Variants in NSUN6 observed in about 807,000 individuals in gnomAD.
NSUN6 encodes the protein tRNA (cytosine(72)-C(5))-methyltransferase NSUN6.
NSUN6 carries 64 observed loss-of-function variants against 58.0 expected under a neutral mutation model. The observed-to-expected ratio is 1.10, with a 90% CI of 0.90 to 1.36. The LOEUF (loss-of-function observed/expected upper bound fraction) is 1.36, where lower values mean the gene tolerates loss of function less well. NSUN6 is among the 40% of genes most tolerant of loss of function. NSUN6 has a pLI of 0.00. For missense variants in NSUN6, 701 were observed against 550.1 expected (o/e 1.27, Z -2.74); for synonymous variants, 231 against 193.9 (o/e 1.19, Z -1.59).
intron 8 of NSUN6, among the ~76,000 whole-genome samples, chr10:18,566,892 C>T (rs545109604): frequency 6.6e-6 from 1 of 150,458 alleles, no homozygotes; most frequent in Non-Finnish European, 1.5e-5. Flanking sequence ...TTCTCCATTC[C>T]TTTCCATTGT....
intron 9 of NSUN6, among the ~76,000 whole-genome samples, chr10:18,548,535 AT>A (rs1465352006): frequency 6.6e-6 from 1 of 152,132 alleles, no homozygotes; most frequent in African/African-American, 2.4e-5. Context: ...ACAAATTTAC[AT>A]TTTTAGGCCA....
At chr10:18,578,771 A>G (rs546118163) in intron 8 of NSUN6, among the ~76,000 whole-genome samples, 1 of 152,282 alleles carries the variant, frequency 6.6e-6, no homozygotes, top group African/African-American at 2.4e-5. Context: ...CCCACAAGCT[A>G]CCTGTTTTAA....
At chr10:18,651,635 G>A (rs898925899), upstream of NSUN6, 28 of 985,998 alleles carry the variant, frequency 2.8e-5, no homozygotes, top group African/African-American at 2.4e-4. Context: ...GTCGCTTCCG[G>A]CTTACGTCAC....
rs368297302 is a variant in NSUN6, at chr10:18,645,129, G to A, written c.232-2574C>T. Among the ~76,000 whole-genome samples, 82 of 140,858 alleles carry A rather than the reference G, an allele frequency of 5.8e-4. 1 individual carries two copies. In the East Asian group the frequency reaches 0.016, roughly 28 times the overall value. The allele number at this position is 140,858 out of a possible 152,430, so 92.4% of individuals were successfully genotyped here. On this transcript the variant is annotated intron_variant, in intron 2 of 10. Transcript: ENST00000377304. ...GCTGAGATCGCGCCATTGCACTCCA[G>A]CCTGGCTGACAGAGCGAGACTCCCT... is the stretch of plus-strand genomic sequence containing the variant.
upstream of NSUN6, among the ~76,000 whole-genome samples, chr10:18,657,625 T>C (rs1410458914): frequency 6.6e-6 from 1 of 152,120 alleles, no homozygotes; most frequent in Non-Finnish European, 1.5e-5. Flanking sequence ...TTTTTATTTT[T>C]ATTTTTTTAG....
upstream of NSUN6, chr10:18,652,334 A>G (rs11015366): frequency 0.073 from 71,734 of 983,560 alleles, 2,924 homozygotes; most frequent in Non-Finnish European, 0.082. Flanking sequence ...AAATAATTCT[A>G]TCACCTTGAC....
chr10:18,618,172 T>C lies in NSUN6; in HGVS notation c.312-1879A>G, dbSNP rs1383174772. 3.3e-5 allele frequency among the ~76,000 whole-genome samples: 5 copies of C among 152,314 alleles called. No homozygotes were observed. The East Asian group carries it at 9.7e-4, about 29-fold the overall frequency. The stretch of plus-strand genomic sequence containing the variant: ...ACATATCTCTTTGTGATTACTGAAA[T>C]AGCTTCCTGCCTTTTACCACTGGTT... On this transcript the variant is annotated intron_variant, in intron 3 of 10. Transcript: ENST00000377304.
chr10:18,598,530 G>A (rs1464409839), intron 6 of NSUN6, among the ~76,000 whole-genome samples: 1 of 152,186 alleles, frequency 6.6e-6, no homozygotes, highest in Non-Finnish European at 1.5e-5. Context: ...GCAGTGCAGT[G>A]GCACAACCAC....
At chr10:18,614,186 C>T (rs180676972) in intron 5 of NSUN6, among the ~76,000 whole-genome samples, 131 of 151,536 alleles carry the variant, frequency 8.6e-4, no homozygotes, top group Admixed American at 2.6e-3. Flanking sequence ...TTCAAAGATG[C>T]AAAATATTTT....
chr10:18,650,384 A>T (rs541936319), intron 1 of NSUN6, among the ~76,000 whole-genome samples: 1 of 152,344 alleles, frequency 6.6e-6, no homozygotes, highest in Admixed American at 6.5e-5. Flanking sequence ...ACATTTTTTG[A>T]GGACTTACAT....
At chr10:18,647,020 A>G (rs2059565719) in intron 2 of NSUN6, among the ~76,000 whole-genome samples, 1 of 152,202 alleles carries the variant, frequency 6.6e-6, no homozygotes, top group Admixed American at 6.5e-5. Flanking sequence ...AATAAAAATC[A>G]GATTAATTTT....
chr10:18,580,795 A>G (rs1172647765), intron 8 of NSUN6, among the ~76,000 whole-genome samples: 2 of 152,166 alleles, frequency 1.3e-5, no homozygotes, highest in Non-Finnish European at 1.5e-5. Flanking sequence ...GCTCTCCCCA[A>G]GTGAACTTGC....
At chr10:18,652,281 A>T, upstream of NSUN6, 1 of 984,846 alleles carries the variant, frequency 1.0e-6, no homozygotes, top group Non-Finnish European at 1.2e-6. Context: ...GAGGATATCT[A>T]ACCAAACTCA....
At chr10:18,583,451 G>A (rs1178731315) in intron 8 of NSUN6, among the ~76,000 whole-genome samples, 4 of 151,860 alleles carry the variant, frequency 2.6e-5, no homozygotes, top group Admixed American at 1.3e-4. Context: ...GTTTTCAGCC[G>A]AAAAAAGAAT....
At chr10:18,576,559 C>A (rs745315263) in intron 8 of NSUN6, among the ~76,000 whole-genome samples, 4 of 152,196 alleles carry the variant, frequency 2.6e-5, no homozygotes, top group Non-Finnish European at 5.9e-5. Context: ...GGTAACAAGT[C>A]ATGCCAAGCT....
At chr10:18,609,750 G>GA (rs2058166497) in intron 6 of NSUN6, 95 bp downstream of exon 6, 6 of 749,222 alleles carry the variant, frequency 8.0e-6, no homozygotes, top group South Asian at 1.7e-5. Context: ...GTAGACCACA[G>GA]AAAAAATCTT....
At chr10:18,615,787 G>A (rs576708773) in intron 4 of NSUN6, among the ~76,000 whole-genome samples, 1 of 152,316 alleles carries the variant, frequency 6.6e-6, no homozygotes, top group East Asian at 1.9e-4. Context: ...CCAACTGGGT[G>A]AATACATTAA....
intron 3 of NSUN6, among the ~76,000 whole-genome samples, chr10:18,633,492 T>C (rs994360164): frequency 6.6e-6 from 1 of 152,180 alleles, no homozygotes; most frequent in African/African-American, 2.4e-5. Context: ...AAGAAACAGC[T>C]ATAATCCCGA....
At chr10:18,623,956 A>T (rs1419966977) in intron 3 of NSUN6, among the ~76,000 whole-genome samples, 1 of 152,196 alleles carries the variant, frequency 6.6e-6, no homozygotes, top group African/African-American at 2.4e-5. Context: ...CTTCTTGAGC[A>T]AACTGCAAAT....
Sources: allele counts gnomAD v4.1 joint callset (sites outside exome capture counted in the v4.1 genomes callset), GRCh38; gene constraint gnomAD v4.1.1; transcripts MANE v1.5; gene names NCBI Gene and HGNC (gene_info 2026-07-23, HGNC 2026-07-21).